The following OR10J5 variants were observed in gnomAD, a reference collection of about 807,000 sequenced individuals.
OR10J5 encodes the protein olfactory receptor family 10 subfamily J member 5.
For missense variants in OR10J5, 389 were observed against 372.1 expected, an observed-to-expected ratio of 1.05 and a Z score of -0.37; for synonymous variants, 171 against 137.1, an observed-to-expected ratio of 1.25 and a Z score of -1.73.
At position 159,535,954 on chromosome 1, in the gene OR10J5, A is replaced by G. The variant is rs201865195; in HGVS notation, c.54T>C (p.Ser18=). Reference sequence around the variant, plus strand: ...GGGTTATCTGATGCTTTCCAAAGCTAGAAAATCCCAAGAAAATGAATTCTG... The same window carrying G: ...GGGTTATCTGATGCTTTCCAAAGCTGGAAAATCCCAAGAAAATGAATTCTG... ...EVSEFIFLGF[S]SFGKHQITLF... Residue 18 remains serine (S), a synonymous_variant, in exon 1 of 1, where the codon TCT becomes TCC. Coordinates refer to ENST00000334857, the MANE Select transcript of OR10J5 (RefSeq NM_001004469.1). 1.2e-6 allele frequency: 2 copies of G among 1,613,050 alleles called. No individual in the cohort carries two copies. The highest frequency in any genetic ancestry group is 1.7e-6 in the Non-Finnish European group (2 of 1,179,728).
In OR10J5 at chr1:159,535,936, C is replaced by T; in HGVS notation, c.72G>A (p.Gln24=). The T allele has an allele frequency of 6.2e-7, 1 of 1,613,674 alleles. No individual in the cohort carries two copies. The change falls in exon 1 of 1, where the codon CAG becomes CAA. Residue 24 remains glutamine, a synonymous_variant. Coordinates refer to ENST00000334857, the MANE Select transcript of OR10J5 (RefSeq NM_001004469.1). ...FLGFSSFGKH[Q]ITLFVVFLTV... is the part of the protein sequence containing the mutation. Reference sequence around the variant, plus strand: ...TTAGGAAAACCACAAAGAGGGTTATCTGATGCTTTCCAAAGCTAGAAAATC... The same window carrying T: ...TTAGGAAAACCACAAAGAGGGTTATTTGATGCTTTCCAAAGCTAGAAAATC...
chr1:159,535,855 A>G lies in OR10J5; in HGVS notation c.153T>C (p.Ile51=). ...ANIIIVTIIC[I]DHHLHTPMYF... is the part of the protein sequence containing the mutation. ...ACATGGGAGTGTGGAGATGATGGTC[A>G]ATGCAGATGATAGTCACAATGATGA... is the stretch of plus-strand genomic sequence containing the variant. The change falls in exon 1 of 1, where the codon ATT becomes ATC. Residue 51 remains isoleucine (I), a synonymous_variant. Coordinates refer to ENST00000334857, the MANE Select transcript of OR10J5 (RefSeq NM_001004469.1). The G allele has an allele frequency of 6.2e-7, 1 of 1,614,166 alleles. No homozygotes were observed. The highest frequency in any genetic ancestry group is 8.5e-7 in the Non-Finnish European group (1 of 1,180,004).
Position 159,535,186 on chromosome 1 carries a change from T to C in OR10J5, c.822A>G (p.Ser274=), listed in dbSNP as rs1023144154. The C allele has an allele frequency of 6.2e-7, 1 of 1,614,030 alleles. No individual in the cohort carries two copies. The highest frequency in any genetic ancestry group is 1.1e-5 in the South Asian group (1 of 91,082). The change falls in exon 1 of 1, where the codon TCA becomes TCG. Residue 274 remains serine (S), a synonymous_variant. Transcript: ENST00000334857. ...ESSIEKDLVL[S]VTYTIITPLL... The stretch of plus-strand genomic sequence containing the variant: ...AGGGAGTGATGATGGTGTACGTCAC[T>C]GAGAGAACAAGGTCTTTTTCTATTG...
At position 159,535,555 on chromosome 1, in the gene OR10J5, A is replaced by T; in HGVS notation, c.453T>A (p.Ile151=). ...CATGGAGAACTGCCATAGTCAGACC[A>T]ATGCCAAAGGACCCACACACCAGCT... is the stretch of plus-strand genomic sequence containing the variant. ...CAQLVCGSFG[I]GLTMAVLHVT... is the part of the protein sequence containing the mutation. The change falls in exon 1 of 1, where the codon ATT becomes ATA. Residue 151 remains isoleucine, a synonymous_variant. Coordinates refer to ENST00000334857, the MANE Select transcript of OR10J5 (RefSeq NM_001004469.1). 1 of 1,614,170 alleles carries T rather than the reference A, an allele frequency of 6.2e-7. No homozygotes were observed.
Position 159,536,001 on chromosome 1 carries a change from T to C in OR10J5, c.7A>G (p.Arg3Gly). 1 of 1,596,432 alleles carries C rather than the reference T, an allele frequency of 6.3e-7. No individual in the cohort carries two copies. The highest frequency in any genetic ancestry group is 1.7e-5 in the Admixed American group (1 of 59,074). Reference sequence around the variant, plus strand: ...TCTGACACTTCTGTGAAGTTCTTTCTCTTCATTCTGCTATATCAGTGTCTG... The same window carrying C: ...TCTGACACTTCTGTGAAGTTCTTTCCCTTCATTCTGCTATATCAGTGTCTG... MK[R>G]KNFTEVSEFI... Residue 3 changes from arginine (R) to glycine (G), a missense_variant, in exon 1 of 1, where the codon AGA (arginine) becomes GGA (glycine). Physicochemically the swap from Arg to Gly is moderately radical, Grantham distance 125 (BLOSUM62 -2). Transcript: ENST00000334857.
rs923745489 is a variant in OR10J5 at position 159,535,585 on chromosome 1, A to G, written c.423T>C (p.Cys141=). The stretch of plus-strand genomic sequence containing the variant: ...CAAAGGACCCACACACCAGCTGGGC[A>G]CATAGTCCCTTGCTCATGATGACAG... ...RYTVIMSKGL[C]AQLVCGSFGI... is the part of the protein sequence containing the mutation. The change falls in exon 1 of 1, where the codon TGT becomes TGC. Residue 141 remains cysteine, a synonymous_variant. Transcript: ENST00000334857. 6.2e-7 allele frequency: 1 copy of G among 1,614,064 alleles called. No homozygotes were observed. Among genetic ancestry groups the G allele is most frequent in the Non-Finnish European group, 8.5e-7 (1 of 1,180,034 alleles).
Position 159,535,603 on chromosome 1 carries a change from G to C in OR10J5, c.405C>G (p.Ile135Met), listed in dbSNP as rs777330029. The change falls in exon 1 of 1, where the codon ATC becomes ATG. Residue 135 changes from isoleucine (I) to methionine (M), a missense_variant. Coordinates refer to ENST00000334857, the MANE Select transcript of OR10J5 (RefSeq NM_001004469.1). Reference sequence around the variant, plus strand: ...GCTGGGCACATAGTCCCTTGCTCATGATGACAGTGTATCTCAGGGGTCTGC... The same window carrying C: ...GCTGGGCACATAGTCCCTTGCTCATCATGACAGTGTATCTCAGGGGTCTGC... The part of the protein sequence containing the change: ...AICRPLRYTV[I>M]MSKGLCAQLV... 1.9e-5 allele frequency: 30 copies of C among 1,614,042 alleles called. No homozygotes were observed. The highest frequency in any genetic ancestry group is 2.5e-5 in the Non-Finnish European group (30 of 1,180,042).
rs771812122 is a variant in OR10J5, at chr1:159,535,265, A to G, written c.743T>C (p.Ile248Thr). The G allele has an allele frequency of 4.2e-5, 67 of 1,614,008 alleles. No homozygotes were observed. The South Asian group carries it at 7.2e-4, about 17-fold the overall frequency. ...ATCVSHLTVV[I>T]VHCGCASIAY... ...AATGGAGGCACAGCCACAGTGGACAATAACCACAGTGAGGTGGGAGACACA... is the reference window on the plus strand; with the variant it reads ...AATGGAGGCACAGCCACAGTGGACAGTAACCACAGTGAGGTGGGAGACACA... Residue 248 changes from isoleucine to threonine, a missense_variant, in exon 1 of 1, where the codon ATT (isoleucine) becomes ACT (threonine). Coordinates refer to ENST00000334857, the MANE Select transcript of OR10J5 (RefSeq NM_001004469.1).
In OR10J5 at chr1:159,535,836, G is replaced by T; in HGVS notation, c.172C>A (p.Pro58Thr). 6.2e-7 allele frequency: 1 copy of T among 1,614,132 alleles called. No individual in the cohort carries two copies. The highest frequency in any genetic ancestry group is 1.1e-5 in the South Asian group (1 of 91,080). ...AGCATGCTTAGGAAGAAATACATGG[G>T]AGTGTGGAGATGATGGTCAATGCAG... is the stretch of plus-strand genomic sequence containing the variant. Reference protein sequence around the residue: ...IICIDHHLHTPMYFFLSMLAS... With the variant: ...IICIDHHLHTTMYFFLSMLAS... Residue 58 changes from proline (P) to threonine (T), a missense_variant, in exon 1 of 1, where the codon CCC becomes ACC. Pro to Thr is a conservative substitution (Grantham distance 38). Transcript: ENST00000334857.
In OR10J5 at chr1:159,535,530, C is replaced by T. The variant is rs779606267; in HGVS notation, c.478G>A (p.Val160Met). ...AACGGCAAATTGAACATGGCTGTCA[C>T]ATGGAGAACTGCCATAGTCAGACCA... ...GIGLTMAVLH[V>M]TAMFNLPFCG... The change falls in exon 1 of 1, where the codon GTG (valine) becomes ATG (methionine). Residue 160 changes from valine (V) to methionine (M), a missense_variant. Coordinates refer to ENST00000334857, the MANE Select transcript of OR10J5 (RefSeq NM_001004469.1). 6.2e-7 allele frequency: 1 copy of T among 1,614,072 alleles called. No individual in the cohort carries two copies. Among genetic ancestry groups the T allele is most frequent in the Non-Finnish European group, 8.5e-7 (1 of 1,179,974 alleles).
Position 159,535,107 on chromosome 1 carries a change from A to G in OR10J5, c.901T>C (p.Cys301Arg). ...LRNKEVKDALCRVVGRNIS is the reference protein window; with the variant it reads ...LRNKEVKDALRRVVGRNIS ...GAAATATTTCTGCCCACAACTCTGCATAGGGCATCCTTTACCTCCTTGTTT... is the reference window on the plus strand; with the variant it reads ...GAAATATTTCTGCCCACAACTCTGCGTAGGGCATCCTTTACCTCCTTGTTT... The change falls in exon 1 of 1, where the codon TGC (cysteine) becomes CGC (arginine). Residue 301 changes from cysteine (C) to arginine (R), a missense_variant. Physicochemically the swap from Cys to Arg is radical, Grantham distance 180. Transcript: ENST00000334857. The G allele has an allele frequency of 6.2e-7, 1 of 1,613,362 alleles. No homozygotes were observed. The highest frequency in any genetic ancestry group is 8.5e-7 in the Non-Finnish European group (1 of 1,179,466).
Position 159,535,639 on chromosome 1 carries a change from A to T in OR10J5, c.369T>A (p.Tyr123Ter). Residue 123 changes from tyrosine to a stop codon, truncating the protein, a stop_gained, in exon 1 of 1, where the codon TAT becomes TAA. Coordinates refer to ENST00000334857, the MANE Select transcript of OR10J5 (RefSeq NM_001004469.1). LOFTEE classifies it low-confidence loss of function (END_TRUNC). ...FLLTAMGYDRYVAICRPLRYT... is the reference protein window; with the variant it reads ...FLLTAMGYDR ...ATCTCAGGGGTCTGCAGATGGCCACATAGCGGTCATACCCCATTGCAGTAA... is the reference window on the plus strand; with the variant it reads ...ATCTCAGGGGTCTGCAGATGGCCACTTAGCGGTCATACCCCATTGCAGTAA... The T allele has an allele frequency of 1.2e-6, 2 of 1,614,184 alleles. No individual in the cohort carries two copies. The highest frequency in any genetic ancestry group is 1.7e-6 in the Non-Finnish European group (2 of 1,180,028).
At position 159,535,774 on chromosome 1, in the gene OR10J5, C is replaced by G. The variant is rs758670378; in HGVS notation, c.234G>C (p.Val78=). The G allele has an allele frequency of 6.2e-7, 1 of 1,614,072 alleles. No homozygotes were observed. Among genetic ancestry groups the G allele is most frequent in the Non-Finnish European group, 8.5e-7 (1 of 1,179,972 alleles). The change falls in exon 1 of 1, where the codon GTG becomes GTC. Residue 78 remains valine (V), a synonymous_variant. Transcript: ENST00000334857. ...AAATGAGGCTCAAAAGCATTCGTGG[C>G]ACAATGACCAGTGTGTACACCGTCT... is the stretch of plus-strand genomic sequence containing the variant. ...SSETVYTLVI[V]PRMLLSLIFH...
At position 159,535,159 on chromosome 1, in the gene OR10J5, C is replaced by T. The variant is rs1395378981; in HGVS notation, c.849G>A (p.Leu283=). 1 of 1,614,056 alleles carries T rather than the reference C, an allele frequency of 6.2e-7. No homozygotes were observed. Among genetic ancestry groups the T allele is most frequent in the Non-Finnish European group, 8.5e-7 (1 of 1,179,992 alleles). The change falls in exon 1 of 1, where the codon TTG becomes TTA. Residue 283 remains leucine, a synonymous_variant. Transcript: ENST00000334857. Reference sequence around the variant, plus strand: ...TCAGACTGTAAACAACAGGGTTCAGCAAGGGAGTGATGATGGTGTACGTCA... The same window carrying T: ...TCAGACTGTAAACAACAGGGTTCAGTAAGGGAGTGATGATGGTGTACGTCA... ...LSVTYTIITP[L]LNPVVYSLRN...
Position 159,535,151 on chromosome 1 carries a change from G to A in OR10J5, c.857C>T (p.Pro286Leu). ...TYTIITPLLNPVVYSLRNKEV... is the reference protein window; with the variant it reads ...TYTIITPLLNLVVYSLRNKEV... ...CTTGTTTCTCAGACTGTAAACAACA[G>A]GGTTCAGCAAGGGAGTGATGATGGT... Residue 286 changes from proline (P) to leucine (L), a missense_variant, in exon 1 of 1, where the codon CCT becomes CTT. Coordinates refer to ENST00000334857, the MANE Select transcript of OR10J5 (RefSeq NM_001004469.1). 6.2e-7 allele frequency: 1 copy of A among 1,614,040 alleles called. No homozygotes were observed. Among genetic ancestry groups the A allele is most frequent in the African/African-American group, 1.3e-5 (1 of 75,010 alleles).
rs145168896 is a variant in OR10J5 at position 159,535,972 on chromosome 1, G to T, written c.36C>A (p.Phe12Leu). 2,530 of 1,611,028 alleles carry T rather than the reference G, an allele frequency of 1.6e-3. 26 individuals carry two copies. The East Asian group carries it at 0.017, about 11-fold the overall frequency. Residue 12 changes from phenylalanine (F) to leucine (L), a missense_variant, in exon 1 of 1, where the codon TTC becomes TTA. Transcript: ENST00000334857. Reference sequence around the variant, plus strand: ...CAAAGCTAGAAAATCCCAAGAAAATGAATTCTGACACTTCTGTGAAGTTCT... The same window carrying T: ...CAAAGCTAGAAAATCCCAAGAAAATTAATTCTGACACTTCTGTGAAGTTCT... ...KRKNFTEVSE[F>L]IFLGFSSFGK...
Position 159,535,987 on chromosome 1 carries a change from T to G in OR10J5, c.21A>C (p.Thr7=). 1.9e-6 allele frequency: 3 copies of G among 1,605,574 alleles called. No individual in the cohort carries two copies. The highest frequency in any genetic ancestry group is 1.7e-6 in the Non-Finnish European group (2 of 1,176,654). ...CCAAGAAAATGAATTCTGACACTTC[T>G]GTGAAGTTCTTTCTCTTCATTCTGC... MKRKNF[T]EVSEFIFLGF... The change falls in exon 1 of 1, where the codon ACA becomes ACC. Residue 7 remains threonine (T), a synonymous_variant. Coordinates refer to ENST00000334857, the MANE Select transcript of OR10J5 (RefSeq NM_001004469.1).
rs372852075 is a variant in OR10J5, at chr1:159,535,141, G to A, written c.867C>T (p.Tyr289=). Residue 289 remains tyrosine, a synonymous_variant, in exon 1 of 1, where the codon TAC becomes TAT. Transcript: ENST00000334857. The part of the protein sequence containing the change: ...IITPLLNPVV[Y]SLRNKEVKDA... ...CCTTTACCTCCTTGTTTCTCAGACT[G>A]TAAACAACAGGGTTCAGCAAGGGAG... 1 of 1,614,030 alleles carries A rather than the reference G, an allele frequency of 6.2e-7. No individual in the cohort carries two copies. The highest frequency in any genetic ancestry group is 1.3e-5 in the African/African-American group (1 of 75,034).
rs760840556 is a variant in OR10J5 at position 159,535,590 on chromosome 1, G to T, written c.418C>A (p.Leu140Ile). Residue 140 changes from leucine (L) to isoleucine (I), a missense_variant, in exon 1 of 1, where the codon CTA becomes ATA. Leu to Ile is a conservative substitution (Grantham distance 5). Coordinates refer to ENST00000334857, the MANE Select transcript of OR10J5 (RefSeq NM_001004469.1). ...LRYTVIMSKG[L>I]CAQLVCGSFG... ...GACCCACACACCAGCTGGGCACATA[G>T]TCCCTTGCTCATGATGACAGTGTAT... The T allele has an allele frequency of 1.2e-6, 2 of 1,614,040 alleles. No homozygotes were observed. Among genetic ancestry groups the T allele is most frequent in the African/African-American group, 2.7e-5 (2 of 74,932 alleles).
Sources: allele counts gnomAD v4.1 joint callset, GRCh38; gene constraint gnomAD v4.1.1; transcripts MANE v1.5; gene names NCBI Gene and HGNC (gene_info 2026-07-23, HGNC 2026-07-21).